Variants in JMJD1C observed in about 807,000 individuals in gnomAD.
JMJD1C encodes the protein jumonji domain containing 1C.
In JMJD1C, 31 loss-of-function variants were observed where a neutral mutation model predicts 245.3. That is an observed-to-expected ratio of 0.13 (90% CI 0.09 to 0.17). JMJD1C has a LOEUF of 0.17. Ranked by LOEUF, JMJD1C falls within the 10% of genes least tolerant of loss-of-function variation. The pLI is 1.00. For synonymous variants in JMJD1C, 1,057 were observed against 1,017.4 expected (o/e 1.04, Z -0.74); for missense variants, 2,691 against 3,000.2 (o/e 0.90, Z 2.41).
At chr10:63,521,228 T>G (rs1301162487) in intron 1 of JMJD1C, 2 of 151,982 alleles carry the variant, frequency 1.3e-5, no homozygotes, top group Non-Finnish European at 2.9e-5. Context: ...AGCCCAGCCC[T>G]GGAGCCCGGC....
rs1336897806 is a variant in JMJD1C, at chr10:63,208,089, T to C, written c.3580A>G (p.Thr1194Ala). Residue 1194 changes from threonine to alanine, a missense_variant, in exon 10 of 26, where the codon ACA becomes GCA. Thr to Ala is a moderately conservative substitution (Grantham distance 58, BLOSUM62 0). Around this residue, in one of 9 missense-constraint regions of JMJD1C, gnomAD observed 1,562 missense variants for 1,490.7 expected, o/e 1.05. Coordinates refer to ENST00000399262, the MANE Select transcript of JMJD1C (RefSeq NM_032776.3). The stretch of plus-strand genomic sequence containing the variant: ...GCAGGCATACTGCGGAGTGTATTTG[T>C]AGAAGAAACTGTCAAATGGGTAGGA... ...RSPTHLTVSS[T>A]NTLRSMPALH... 4 of 1,614,040 alleles carry C rather than the reference T, an allele frequency of 2.5e-6. No individual in the cohort carries two copies. Among genetic ancestry groups the C allele is most frequent in the Non-Finnish European group, 3.4e-6 (4 of 1,180,014 alleles).
rs542426858 is a variant in JMJD1C, at chr10:63,214,807, T to C, written c.1360A>G (p.Thr454Ala). Reference protein sequence around the residue: ...EEAEKRKSVDTQLQEDMIIHS... With the variant: ...EEAEKRKSVDAQLQEDMIIHS... ...ATAATCATATCTTCTTGAAGCTGAG[T>C]GTCAACAGACTTCCGCTTCTCTGCT... is the stretch of plus-strand genomic sequence containing the variant. The change falls in exon 8 of 26, where the codon ACT becomes GCT. Residue 454 changes from threonine (T) to alanine (A), a missense_variant. Around this residue, in one of 9 missense-constraint regions of JMJD1C, gnomAD observed 1,562 missense variants for 1,490.7 expected, o/e 1.05. Transcript: ENST00000399262. 3.6e-5 allele frequency: 58 copies of C among 1,613,734 alleles called. No individual in the cohort carries two copies. In the South Asian group the frequency reaches 5.7e-4, roughly 16 times the overall value.
rs558361329 is a variant in JMJD1C, at chr10:63,185,468, GC to G, written c.6830+94del. 9.9e-5 allele frequency: 75 copies of G among 756,886 alleles called. No homozygotes were observed. In the South Asian group the frequency reaches 1.0e-3, roughly 10 times the overall value. 46.9% of individuals were successfully genotyped at this position (756,886 alleles called of 1,614,324 possible). ...TTTATTTTTAATTGAGAAAGAAAAA[GC>G]CTACAGGTCACATTTACGGTTACTT... On this transcript the variant is annotated intron_variant, in intron 20 of 25. Transcript: ENST00000399262.
At chr10:63,493,897 T>C (rs924299784) in intron 1 of JMJD1C, among the ~76,000 whole-genome samples, 2 of 152,180 alleles carry the variant, frequency 1.3e-5, no homozygotes, top group Admixed American at 6.5e-5. Context: ...TGATCACATT[T>C]TTTAAAAAGA....
Position 63,206,870 on chromosome 10 carries a change from C to T in JMJD1C, c.4799G>A (p.Ser1600Asn). ...TACATATTTATCAACTATGATCTTA[C>T]TATCTACACTATTTTGTATATCACT... ...TSSDIQNSVD[S>N]KIIVDKYVKD... Residue 1600 changes from serine (S) to asparagine (N), a missense_variant, in exon 10 of 26, where the codon AGT (serine) becomes AAT (asparagine). By Grantham distance (46) the Ser-to-Asn change is conservative (BLOSUM62 1). Around this residue, in one of 9 missense-constraint regions of JMJD1C, gnomAD observed 144 missense variants for 143.3 expected, o/e 1.00. Transcript: ENST00000399262. The T allele has an allele frequency of 6.2e-7, 1 of 1,606,718 alleles. No individual in the cohort carries two copies. Among genetic ancestry groups the T allele is most frequent in the East Asian group, 2.2e-5 (1 of 44,828 alleles).
intron 2 of JMJD1C, among the ~76,000 whole-genome samples, chr10:63,307,792 G>C (rs564860198): frequency 1.6e-4 from 24 of 152,198 alleles, no homozygotes; most frequent in Admixed American, 3.3e-4. Flanking sequence ...ATTTAAAATA[G>C]AAGGTCTCAA....
chr10:63,275,101 A>G (rs1213766972), intron 2 of JMJD1C, among the ~76,000 whole-genome samples: 2 of 152,190 alleles, frequency 1.3e-5, no homozygotes. Flanking sequence ...AAATACTCTC[A>G]TTTTTACAGA....
At chr10:63,346,970 A>G (rs2134260583) in intron 2 of JMJD1C, among the ~76,000 whole-genome samples, 1 of 152,148 alleles carries the variant, frequency 6.6e-6, no homozygotes, top group East Asian at 1.9e-4. Flanking sequence ...CCGGCCCTCC[A>G]TGATACATAT....
In JMJD1C at chr10:63,192,954, G is replaced by A. The variant is rs1447632395; in HGVS notation, c.6060C>T (p.Ala2020=). ...TATGTTTACCTTTTTTTTCCTCTCT[G>A]GCTTTTTGCTCTGCAAGATCTGCTA... ...HWLADLAEQK[A]REEKKENKEL... The change falls in exon 16 of 26, where the codon GCC becomes GCT. Residue 2020 remains alanine, a synonymous_variant. Coordinates refer to ENST00000399262, the MANE Select transcript of JMJD1C (RefSeq NM_032776.3). 6.2e-7 allele frequency: 1 copy of A among 1,610,762 alleles called. No homozygotes were observed. Among genetic ancestry groups the A allele is most frequent in the African/African-American group, 1.3e-5 (1 of 74,502 alleles).
chr10:63,430,060 A>T (rs888042162), intron 1 of JMJD1C, among the ~76,000 whole-genome samples: 3 of 152,346 alleles, frequency 2.0e-5, no homozygotes, highest in South Asian at 4.1e-4. Flanking sequence ...GCCACTTTTT[A>T]AAAAAGTTGG....
At chr10:63,453,881 C>G (rs1007109837) in intron 1 of JMJD1C, among the ~76,000 whole-genome samples, 1 of 151,978 alleles carries the variant, frequency 6.6e-6, no homozygotes, top group East Asian at 1.9e-4. Flanking sequence ...TGGAACTACA[C>G]CCGGCTAATT....
intron 2 of JMJD1C, among the ~76,000 whole-genome samples, chr10:63,281,885 TAA>T (rs1293076980): frequency 6.6e-6 from 1 of 152,126 alleles, no homozygotes; most frequent in Non-Finnish European, 1.5e-5. Context: ...TTAATACTCA[TAA>T]AAATCACAGG....
intron 1 of JMJD1C, among the ~76,000 whole-genome samples, chr10:63,395,544 T>C (rs1188653771): frequency 6.6e-6 from 1 of 152,144 alleles, no homozygotes; most frequent in African/African-American, 2.4e-5. Context: ...AGCAACTAAC[T>C]CTGGATGCTA....
Position 63,190,984 on chromosome 10 carries a change from C to A in JMJD1C, c.6201G>T (p.Arg2067=), listed in dbSNP as rs1193050016. ...TTCCAGCTGTTGTAGTCAGCAAATC[C>A]CGTAAGGTTGAGCCTTGTTCATTAT... ...SQNNEQGSTL[R]DLLTTTAGKL... The change falls in exon 17 of 26, where the codon CGG becomes CGT. Residue 2067 remains arginine (R), a synonymous_variant. Transcript: ENST00000399262. 6.2e-7 allele frequency: 1 copy of A among 1,614,034 alleles called. No homozygotes were observed. The highest frequency in any genetic ancestry group is 8.5e-7 in the Non-Finnish European group (1 of 1,180,006).
intron 2 of JMJD1C, among the ~76,000 whole-genome samples, chr10:63,273,207 A>G (rs572590693): frequency 6.6e-6 from 1 of 152,288 alleles, no homozygotes; most frequent in East Asian, 1.9e-4. Flanking sequence ...ACATACATAT[A>G]TTTAGAGATT....
At chr10:63,428,768 A>G (rs1449007901) in intron 1 of JMJD1C, among the ~76,000 whole-genome samples, 1 of 152,194 alleles carries the variant, frequency 6.6e-6, no homozygotes, top group African/African-American at 2.4e-5. Context: ...ATGTATCTTA[A>G]CTTTCCCTTA....
In JMJD1C at chr10:63,314,655, T is replaced by C. The variant is rs369894345; in HGVS notation, c.334-49891A>G. The stretch of plus-strand genomic sequence containing the variant: ...TTTTTTTTTTTTTCAACTTTTATTT[T>C]ATTTTATTTGAGATGCGAGTTTCAC... On this transcript the variant is annotated intron_variant, in intron 2 of 25. Transcript: ENST00000399262. 1.1e-3 allele frequency among the ~76,000 whole-genome samples: 168 copies of C among 152,244 alleles called. 1 individual carries two copies. Among genetic ancestry groups the C allele is most frequent in the African/African-American group, 3.7e-3 (154 of 41,556 alleles).
chr10:63,457,605 A>G (rs1233535671), intron 1 of JMJD1C, among the ~76,000 whole-genome samples: 1 of 152,224 alleles, frequency 6.6e-6, no homozygotes, highest in African/African-American at 2.4e-5. Flanking sequence ...ACAGGAAGGA[A>G]GGAGAAATAA....
chr10:63,515,498 C>T (rs1954989978), intron 1 of JMJD1C, among the ~76,000 whole-genome samples: 2 of 152,310 alleles, frequency 1.3e-5, no homozygotes, highest in South Asian at 4.1e-4. Context: ...GACTTGTCCA[C>T]ACTGAGCCTC....
Sources: gnomAD v4.1 joint callset for allele counts (sites outside exome capture counted in the v4.1 genomes callset) on GRCh38, gnomAD v4.1.1 for gene constraint, gnomAD v4.1.1 regional missense constraint, MANE v1.5 for transcripts, NCBI Gene and HGNC (gene_info 2026-07-23, HGNC 2026-07-21) for gene names.